Variants in DLG2 observed in about 807,000 individuals in gnomAD.
DLG2 encodes disks large homolog 2.
In DLG2, 45 loss-of-function variants were observed where a neutral mutation model predicts 132.5. The observed-to-expected ratio is 0.34, with a 90% CI of 0.27 to 0.44. The LOEUF (loss-of-function observed/expected upper bound fraction) is 0.44. DLG2 is among the 20% of genes least tolerant of loss of function. The probability of loss-of-function intolerance (pLI) is 1.00; values close to 1 mark genes in which losing one functional copy is unlikely to be tolerated. For synonymous variants in DLG2, 424 were observed against 419.6 expected (o/e 1.01, Z -0.13); for missense variants, 1,045 against 1,196.9 (o/e 0.87, Z 1.87).
chr11:84,627,033 G>A (rs535173225), intron 6 of DLG2, among the ~76,000 whole-genome samples: 6 of 151,876 alleles, frequency 4.0e-5, no homozygotes, highest in African/African-American at 4.8e-5. Context: ...CACCACGCCC[G>A]CTAATTTTCG....
chr11:84,929,799 CCA>C (rs923593886), intron 6 of DLG2, among the ~76,000 whole-genome samples: 1 of 152,010 alleles, frequency 6.6e-6, no homozygotes, highest in Non-Finnish European at 1.5e-5. Flanking sequence ...AAATTAATGT[CCA>C]GTAAGATATT....
At chr11:84,266,412 C>T (rs1431118541) in intron 7 of DLG2, among the ~76,000 whole-genome samples, 2 of 152,170 alleles carry the variant, frequency 1.3e-5, no homozygotes, top group Non-Finnish European at 2.9e-5. Context: ...TTAAATTGAA[C>T]ATCTCCATAG....
chr11:85,495,783 A>G (rs959260866), intron 3 of DLG2, among the ~76,000 whole-genome samples: 4 of 152,232 alleles, frequency 2.6e-5, no homozygotes, highest in East Asian at 1.9e-4. Context: ...ATTACTGGGT[A>G]TATACCCAAA....
intron 8 of DLG2, among the ~76,000 whole-genome samples, chr11:84,193,045 G>A (rs889952585): frequency 2.6e-5 from 4 of 152,162 alleles, no homozygotes; most frequent in Non-Finnish European, 4.4e-5. Context: ...CTGCTGAAGT[G>A]GCTAACAATG....
intron 9 of DLG2, among the ~76,000 whole-genome samples, chr11:84,140,812 G>T (rs1041825649): frequency 2.6e-5 from 4 of 152,046 alleles, no homozygotes; most frequent in Non-Finnish European, 5.9e-5. Flanking sequence ...AAGTCTTGAA[G>T]GCAATCTGAC....
chr11:84,546,873 G>T, intron 6 of DLG2: 1 of 178,438 alleles, frequency 5.6e-6, no homozygotes, highest in Non-Finnish European at 1.2e-5. Flanking sequence ...CTTTAGTGAT[G>T]ATTCCTCTGT....
chr11:84,516,214 G>A (rs777452237), intron 7 of DLG2, among the ~76,000 whole-genome samples: 14 of 150,820 alleles, frequency 9.3e-5, no homozygotes, highest in East Asian at 1.9e-4. Context: ...ATAAAAGGAC[G>A]GAAATAGAAA....
intron 6 of DLG2, among the ~76,000 whole-genome samples, chr11:84,925,309 G>A (rs2092936153): frequency 6.6e-6 from 1 of 152,132 alleles, no homozygotes; most frequent in Admixed American, 6.6e-5. Flanking sequence ...GTACATGTAG[G>A]TTTCCCTGTC....
rs150268673 is a variant in DLG2, at chr11:83,704,237, A to G, written c.1826-70912T>C. Among the ~76,000 whole-genome samples the G allele has an allele frequency of 2.6e-5, 4 of 152,356 alleles. No individual in the cohort carries two copies. In the East Asian group the frequency reaches 7.7e-4, roughly 29 times the overall value. On this transcript the variant is annotated intron_variant, in intron 18 of 27. Transcript: ENST00000376104. ...ACTTTGCATGAAAAATGTTTGTAAC[A>G]TATTTTAGATGACATTGTTAAATGC... is the stretch of plus-strand genomic sequence containing the variant.
intron 7 of DLG2, among the ~76,000 whole-genome samples, chr11:84,455,632 T>TAA: frequency 6.6e-6 from 1 of 150,414 alleles, no homozygotes; most frequent in South Asian, 2.1e-4. Flanking sequence ...GCCAAGTGGT[T>TAA]AAAAAAAAAT....
intron 6 of DLG2, among the ~76,000 whole-genome samples, chr11:84,735,687 T>C (rs1323435839): frequency 6.6e-6 from 1 of 152,152 alleles, no homozygotes; most frequent in East Asian, 1.9e-4. Flanking sequence ...AGCTTTTGAA[T>C]ATGTTTGCTC....
intron 7 of DLG2, among the ~76,000 whole-genome samples, chr11:84,380,327 T>C (rs796195289): frequency 1.7e-4 from 26 of 152,070 alleles, no homozygotes; most frequent in African/African-American, 6.3e-4. Flanking sequence ...CAAATATACA[T>C]GGAACATTTA....
intron 6 of DLG2, among the ~76,000 whole-genome samples, chr11:84,556,626 A>G (rs2099412454): frequency 6.6e-6 from 1 of 152,212 alleles, no homozygotes; most frequent in Admixed American, 6.5e-5. Context: ...CATGTGACCC[A>G]CAGGCCGCAG....
At chr11:85,141,384 C>T in intron 5 of DLG2, among the ~76,000 whole-genome samples, 1 of 151,790 alleles carries the variant, frequency 6.6e-6, no homozygotes, top group East Asian at 1.9e-4. Flanking sequence ...AATCTCTGTT[C>T]AGATCTTTTG....
At chr11:85,561,464 G>A (rs185756990) in intron 3 of DLG2, among the ~76,000 whole-genome samples, 1 of 149,600 alleles carries the variant, frequency 6.7e-6, no homozygotes, top group East Asian at 2.0e-4. Context: ...ATTACAAAAG[G>A]GAAACTATAT....
At chr11:84,777,283 A>G (rs553800312) in intron 6 of DLG2, among the ~76,000 whole-genome samples, 625 of 7,240 alleles carry the variant, frequency 0.086, 5 homozygotes, top group Non-Finnish European at 0.15. Flanking sequence ...GTGTGTGTGT[A>G]TATATATATA....
intron 6 of DLG2, among the ~76,000 whole-genome samples, chr11:85,053,174 C>T (rs377600896): frequency 6.6e-6 from 1 of 151,934 alleles, no homozygotes; most frequent in Non-Finnish European, 1.5e-5. Flanking sequence ...TGTAAATTGA[C>T]AAAAATTGAA....
At chr11:85,071,520 T>A (rs2065864456) in intron 6 of DLG2, among the ~76,000 whole-genome samples, 1 of 151,900 alleles carries the variant, frequency 6.6e-6, no homozygotes. Context: ...TCTCAAGAAC[T>A]GGATGCATCT....
At chr11:84,007,208 G>A (rs1025159290) in intron 11 of DLG2, among the ~76,000 whole-genome samples, 3 of 151,468 alleles carry the variant, frequency 2.0e-5, no homozygotes, top group Admixed American at 6.6e-5. Context: ...AACAACAGAG[G>A]GCTTACTCAT....
Sources: gnomAD v4.1 joint callset for allele counts (sites outside exome capture counted in the v4.1 genomes callset) on GRCh38, gnomAD v4.1.1 for gene constraint, MANE v1.5 for transcripts, NCBI Gene and HGNC (gene_info 2026-07-23, HGNC 2026-07-21) for gene names.